The following ANKS1B variants were observed in gnomAD, a reference collection of about 807,000 sequenced individuals.
ANKS1B encodes ankyrin repeat and sterile alpha motif domain-containing protein 1B.
ANKS1B carries 36 observed loss-of-function variants against 148.3 expected under a neutral mutation model. The observed-to-expected ratio is 0.24, with a 90% CI of 0.19 to 0.32. The LOEUF is 0.32. Among genes scored for constraint, ANKS1B ranks in the 10% least tolerant of loss-of-function variants. The probability of loss-of-function intolerance (pLI) is 1.00; values close to 1 mark genes in which losing one functional copy is unlikely to be tolerated. For missense variants in ANKS1B, 1,157 were observed against 1,542.6 expected, an observed-to-expected ratio of 0.75 and a Z score of 4.19; for synonymous variants, 542 against 560.8, an observed-to-expected ratio of 0.97 and a Z score of 0.47.
At chr12:98,909,311 A>C (rs1450404841) in intron 17 of ANKS1B, among the ~76,000 whole-genome samples, 2 of 152,228 alleles carry the variant, frequency 1.3e-5, no homozygotes, top group East Asian at 3.8e-4. Context: ...TAAATGAAGG[A>C]GATGAATATG....
intron 16 of ANKS1B, among the ~76,000 whole-genome samples, chr12:99,082,421 T>C (rs1408098482): frequency 6.6e-6 from 1 of 152,100 alleles, no homozygotes; most frequent in Non-Finnish European, 1.5e-5. Flanking sequence ...GCTTTCTAGG[T>C]AGTGGGACCT....
chr12:99,595,449 A>C (rs2097749292), intron 9 of ANKS1B, among the ~76,000 whole-genome samples: 1 of 151,958 alleles, frequency 6.6e-6, no homozygotes, highest in Non-Finnish European at 1.5e-5. Flanking sequence ...TCTAGTAAAA[A>C]ATGAAAAGTA....
At position 98,761,242 on chromosome 12, in the gene ANKS1B, C is replaced by G. The variant is rs75959799; in HGVS notation, c.3580-9720G>C. On this transcript the variant is annotated intron_variant, in intron 25 of 26. Transcript: ENST00000683438. ...TTCTGTGCCTATTTCATTGAGGCAC[C>G]CTCTAGAACACCATCTTGTGTTTTG... Among the ~76,000 whole-genome samples, 1,389 of 152,232 alleles carry G rather than the reference C, an allele frequency of 9.1e-3. 25 individuals are homozygous for G. Among genetic ancestry groups the G allele is most frequent in the African/African-American group, 0.032 (1,320 of 41,532 alleles).
intron 11 of ANKS1B, among the ~76,000 whole-genome samples, chr12:99,441,201 T>C (rs905601309): frequency 9.9e-5 from 15 of 151,926 alleles, no homozygotes; most frequent in Non-Finnish European, 1.8e-4. Context: ...AAACCTGTGA[T>C]TAAAATATAG....
At chr12:98,919,397 T>C (rs1475144520) in intron 17 of ANKS1B, among the ~76,000 whole-genome samples, 2 of 152,166 alleles carry the variant, frequency 1.3e-5, no homozygotes, top group Non-Finnish European at 2.9e-5. Context: ...AAATACATAA[T>C]GAGGGAGAAC....
intron 9 of ANKS1B, among the ~76,000 whole-genome samples, chr12:99,537,640 A>G (rs2097085130): frequency 6.6e-6 from 1 of 152,116 alleles, no homozygotes; most frequent in African/African-American, 2.4e-5. Flanking sequence ...CGCACACTCT[A>G]TATATTCTGG....
chr12:99,337,845 T>C (rs1246411364), intron 12 of ANKS1B, among the ~76,000 whole-genome samples: 2 of 152,176 alleles, frequency 1.3e-5, no homozygotes, highest in Non-Finnish European at 2.9e-5. Flanking sequence ...AATTTTGTTG[T>C]CTTCTTTTAC....
chr12:98,736,297 T>G (rs2097772672), intron 9 of ANKS1B, among the ~76,000 whole-genome samples: 1 of 152,184 alleles, frequency 6.6e-6, no homozygotes, highest in Admixed American at 6.5e-5. Context: ...GCAGAGCTTG[T>G]GACAAGTTGG....
intron 22 of ANKS1B, among the ~76,000 whole-genome samples, chr12:98,789,713 T>A: frequency 6.6e-6 from 1 of 152,162 alleles, no homozygotes; most frequent in East Asian, 1.9e-4. Context: ...TGAAAAGAAT[T>A]GGAAATGACA....
intron 1 of ANKS1B, among the ~76,000 whole-genome samples, chr12:99,964,446 T>TAC (rs1458942623): frequency 6.6e-6 from 1 of 152,292 alleles, no homozygotes; most frequent in African/African-American, 2.4e-5. Context: ...ATTCAGTTCC[T>TAC]ACACTATTAA....
chr12:99,364,023 G>A (rs1258119752), intron 12 of ANKS1B, among the ~76,000 whole-genome samples: 1 of 152,060 alleles, frequency 6.6e-6, no homozygotes, highest in Admixed American at 6.5e-5. Context: ...CAGCTTTGGA[G>A]GTCTTAAATG....
intron 17 of ANKS1B, among the ~76,000 whole-genome samples, chr12:98,967,259 T>C (rs2099878944): frequency 1.3e-5 from 2 of 152,154 alleles, no homozygotes; most frequent in African/African-American, 2.4e-5. Flanking sequence ...TTCTGATAAC[T>C]TTGTTTCCGA....
At position 99,725,130 on chromosome 12, in the gene ANKS1B, T is replaced by C. The variant is rs1221611613; in HGVS notation, c.1128+47792A>G. Reference sequence around the variant, plus strand: ...GCAAAATACCAAGGTAGTATCATGATGACAGGATCAAAATCACATATAACA... The same window carrying C: ...GCAAAATACCAAGGTAGTATCATGACGACAGGATCAAAATCACATATAACA... On this transcript the variant is annotated intron_variant, in intron 8 of 26. Transcript: ENST00000683438. Among the ~76,000 whole-genome samples the C allele has an allele frequency of 5.9e-5, 9 of 152,196 alleles. No individual in the cohort carries two copies. The South Asian group carries it at 1.5e-3, about 25-fold the overall frequency.
chr12:99,490,012 T>C (rs2096540572), intron 10 of ANKS1B, among the ~76,000 whole-genome samples: 1 of 152,214 alleles, frequency 6.6e-6, no homozygotes, highest in South Asian at 2.1e-4. Context: ...GATGTAATAA[T>C]AGTCTTTGAA....
At chr12:98,772,482 T>C (rs150901978) in intron 25 of ANKS1B, among the ~76,000 whole-genome samples, 12,902 of 152,254 alleles carry the variant, frequency 0.085, 650 homozygotes, top group Middle Eastern at 0.17. Context: ...TCCACATGGC[T>C]GGGGAGGCCT....
rs1372221863 is a variant in ANKS1B, at chr12:99,466,871, C to A, written c.1439-23062G>T. Among the ~76,000 whole-genome samples the A allele has an allele frequency of 5.3e-5, 8 of 152,156 alleles. No individual in the cohort carries two copies. The South Asian group carries it at 1.4e-3, about 28-fold the overall frequency. On this transcript the variant is annotated intron_variant, in intron 10 of 26. Transcript: ENST00000683438. ...ATTCTACCAGAGGTACAAGGAGGAA[C>A]TGGTACCATTCCTTCTGAAACTATT...
intron 9 of ANKS1B, among the ~76,000 whole-genome samples, chr12:99,628,392 T>C (rs2098129360): frequency 1.3e-5 from 2 of 152,130 alleles, no homozygotes; most frequent in Admixed American, 1.3e-4. Context: ...AAGTTAAACA[T>C]CTAAAAAAAA....
intron 12 of ANKS1B, among the ~76,000 whole-genome samples, chr12:99,347,790 GAT>G (rs2152368125): frequency 6.9e-6 from 1 of 144,438 alleles, no homozygotes; most frequent in African/African-American, 2.7e-5. Flanking sequence ...TAAACAAAAA[GAT>G]ATTAGACTTC....
chr12:99,160,776 C>A (rs1264597136), intron 14 of ANKS1B, among the ~76,000 whole-genome samples: 3 of 152,298 alleles, frequency 2.0e-5, no homozygotes, highest in Middle Eastern at 3.4e-3. Flanking sequence ...GCTATCCCAG[C>A]ATAATTTGTT....
Sources: gnomAD v4.1 joint callset for allele counts (sites outside exome capture counted in the v4.1 genomes callset) on GRCh38, gnomAD v4.1.1 for gene constraint, MANE v1.5 for transcripts, NCBI Gene and HGNC (gene_info 2026-07-23, HGNC 2026-07-21) for gene names.